Variants in CRLS1 observed in about 807,000 individuals in gnomAD.
CRLS1 encodes cardiolipin synthase 1.
Under a neutral mutation model 37.0 loss-of-function variants are expected in CRLS1, and 24 were observed. That is an observed-to-expected ratio of 0.65 (90% confidence interval 0.47 to 0.91). CRLS1 has a LOEUF of 0.91. Among genes scored for constraint, CRLS1 ranks in the 40% least tolerant of loss-of-function variants. The pLI is 0.00. For synonymous variants in CRLS1, 135 were observed against 159.7 expected (o/e 0.85, Z 1.17); for missense variants, 373 against 395.8 (o/e 0.94, Z 0.49).
At chr20:6,008,879 T>C (rs995548744) in intron 1 of CRLS1, among the ~76,000 whole-genome samples, 9 of 152,226 alleles carry the variant, frequency 5.9e-5, no homozygotes, top group African/African-American at 2.2e-4. Flanking sequence ...TACTTGTAAG[T>C]AGACACTGTT....
intron 5 of CRLS1, among the ~76,000 whole-genome samples, chr20:6,032,844 GAGAA>G (rs1980273746): frequency 6.6e-6 from 1 of 152,098 alleles, no homozygotes. Context: ...ATTTTTGGGA[GAGAA>G]GGGTAGTTGC....
At position 6,039,236 on chromosome 20, in the gene CRLS1, C is replaced by T. The variant is rs1980790381; in HGVS notation, c.*2078C>T. The T allele has an allele frequency of 6.6e-6, 1 of 151,756 alleles. No individual in the cohort carries two copies. 9.4% of individuals were successfully genotyped at this position (151,756 alleles called of 1,614,324 possible). On this transcript the variant is annotated 3_prime_UTR_variant, in exon 7 of 7. Coordinates refer to ENST00000378863, the MANE Select transcript of CRLS1 (RefSeq NM_019095.6). The stretch of plus-strand genomic sequence containing the variant: ...CCAAGTAGCTGGGATTACAGGTGCA[C>T]ACCAACTGTGCTTTGCAGTTTTGTT...
rs184144503 is a variant in CRLS1, at chr20:6,006,736, C to G, written c.306+184C>G. On this transcript the variant is annotated intron_variant, in intron 1 of 6. Transcript: ENST00000378863. ...TGAATTTCAGGGTCACCAGCGGGGT[C>G]CACCTACGGTCTCTGTGGTCAAGTT... 212 of 985,374 alleles carry G rather than the reference C, an allele frequency of 2.2e-4. No homozygotes were observed. The African/African-American group carries it at 3.3e-3, about 15-fold the overall frequency. 61.0% of individuals were successfully genotyped at this position (985,374 alleles called of 1,614,324 possible). A position where few individuals can be genotyped will look rare whatever the true frequency, so the allele number is the denominator to read the frequency against.
At chr20:6,021,764 G>A (rs1020885247) in intron 3 of CRLS1, among the ~76,000 whole-genome samples, 3 of 151,900 alleles carry the variant, frequency 2.0e-5, no homozygotes, top group African/African-American at 7.3e-5. Flanking sequence ...TATTTTATTT[G>A]GCACATATGT....
At position 6,038,988 on chromosome 20, in the gene CRLS1, A is replaced by G. The variant is rs1980769694; in HGVS notation, c.*1830A>G. 1.3e-5 allele frequency: 2 copies of G among 152,270 alleles called. No homozygotes were observed. The highest frequency in any genetic ancestry group is 2.4e-5 in the African/African-American group (1 of 41,472). The allele number at this position is 152,270 out of a possible 1,614,324, so 9.4% of individuals were successfully genotyped here. A position where few individuals can be genotyped will look rare whatever the true frequency, so the allele number is the denominator to read the frequency against. On this transcript the variant is annotated 3_prime_UTR_variant, in exon 7 of 7. Coordinates refer to ENST00000378863, the MANE Select transcript of CRLS1 (RefSeq NM_019095.6). The stretch of plus-strand genomic sequence containing the variant: ...CCAGTTTATAAAACACTGGAATTGT[A>G]TTAGACATGTCTGAGTATGTACTTG...
chr20:6,034,825 G>A (rs1464613616), intron 6 of CRLS1, among the ~76,000 whole-genome samples: 3 of 152,226 alleles, frequency 2.0e-5, no homozygotes, highest in Admixed American at 2.0e-4. Context: ...AAGAGGGACA[G>A]TTTCAGGAAG....
chr20:6,034,639 C>A, intron 6 of CRLS1, 84 bp downstream of exon 6: 2 of 1,000,450 alleles, frequency 2.0e-6, no homozygotes, highest in Non-Finnish European at 3.1e-6. Flanking sequence ...GTTCTTACAG[C>A]ATTTGTTGAG....
At chr20:6,009,692 A>G (rs965262538) in intron 1 of CRLS1, 83 bp from the exon 2 acceptor site, 18 of 1,067,390 alleles carry the variant, frequency 1.7e-5, no homozygotes, top group Non-Finnish European at 2.2e-5. Flanking sequence ...TTGATGAAGT[A>G]TATTTTTCTA....
chr20:6,026,596 G>T (rs1331219767), intron 3 of CRLS1, among the ~76,000 whole-genome samples: 2 of 152,006 alleles, frequency 1.3e-5, no homozygotes, highest in Non-Finnish European at 2.9e-5. Flanking sequence ...CCTCTCTTTT[G>T]TGATGGAGAC....
intron 1 of CRLS1, among the ~76,000 whole-genome samples, chr20:6,009,046 C>T (rs186294552): frequency 4.3e-4 from 65 of 152,276 alleles, no homozygotes; most frequent in Non-Finnish European, 7.1e-4. Context: ...TATAATAGGC[C>T]GGGCATGCTG....
chr20:6,033,136 A>C (rs1348735178), intron 5 of CRLS1, among the ~76,000 whole-genome samples: 4 of 149,678 alleles, frequency 2.7e-5, no homozygotes, highest in African/African-American at 9.8e-5. Flanking sequence ...ATTTTATTTT[A>C]TTATTTTTTA....
chr20:6,015,827 G>T, intron 3 of CRLS1: 1 of 276,476 alleles, frequency 3.6e-6, no homozygotes, highest in Non-Finnish European at 7.1e-6. Flanking sequence ...AAGCAATTTA[G>T]TTTTCCTACG....
At chr20:6,033,017 G>T (rs1055356132) in intron 5 of CRLS1, among the ~76,000 whole-genome samples, 8 of 152,034 alleles carry the variant, frequency 5.3e-5, no homozygotes, top group African/African-American at 1.9e-4. Flanking sequence ...GCTTAAAGAG[G>T]TACGGGGACA....
intron 2 of CRLS1, among the ~76,000 whole-genome samples, chr20:6,012,355 T>C (rs1978389776): frequency 6.6e-6 from 1 of 152,106 alleles, no homozygotes; most frequent in Admixed American, 6.6e-5. Flanking sequence ...GCAGAGTAAC[T>C]GGTTAGGGGC....
intron 1 of CRLS1, 193 bp downstream of exon 1, chr20:6,006,745 G>GTC: frequency 1.0e-6 from 1 of 985,408 alleles, no homozygotes; most frequent in Non-Finnish European, 1.2e-6. Context: ...TCCACCTACG[G>GTC]TCTCTGTGGT....
intron 2 of CRLS1, among the ~76,000 whole-genome samples, chr20:6,011,572 C>T (rs796685799): frequency 2.9e-4 from 8 of 27,844 alleles, no homozygotes; most frequent in African/African-American, 4.1e-4. Flanking sequence ...TTTGTCCCTG[C>T]TTTTTTTTTT....
rs1012744578 is a variant in CRLS1, at chr20:6,039,441, T to C, written c.*2283T>C. On this transcript the variant is annotated 3_prime_UTR_variant, in exon 7 of 7. Transcript: ENST00000378863. ...AAACTAGGGATCTACCTTAAAGTTT[T>C]GGGAAGCTCTTTCAAAACTTCAGAC... 1 of 152,206 alleles carries C rather than the reference T, an allele frequency of 6.6e-6. No homozygotes were observed. The highest frequency in any genetic ancestry group is 1.9e-4 in the East Asian group (1 of 5,202). The allele number at this position is 152,206 out of a possible 1,614,324, so 9.4% of individuals were successfully genotyped here. A position where few individuals can be genotyped will look rare whatever the true frequency, so the allele number is the denominator to read the frequency against.
intron 3 of CRLS1, among the ~76,000 whole-genome samples, chr20:6,030,353 A>G (rs1474757595): frequency 2.6e-5 from 4 of 152,296 alleles, no homozygotes; most frequent in Admixed American, 6.5e-5. Context: ...GATGACAAAA[A>G]TATTGACAAG....
intron 3 of CRLS1, among the ~76,000 whole-genome samples, chr20:6,022,577 A>G (rs932371285): frequency 2.0e-5 from 3 of 152,090 alleles, no homozygotes; most frequent in African/African-American, 4.8e-5. Flanking sequence ...AGCTCAAGCA[A>G]TCCACCCACC....
Sources: gnomAD v4.1 joint callset for allele counts (sites outside exome capture counted in the v4.1 genomes callset) on GRCh38, gnomAD v4.1.1 for gene constraint, MANE v1.5 for transcripts, NCBI Gene and HGNC (gene_info 2026-07-23, HGNC 2026-07-21) for gene names.